ZNF490: variants seen among roughly 807,000 people sequenced by gnomAD.
ZNF490 encodes zinc finger protein 490.
A neutral mutation model predicts 17.7 loss-of-function variants in ZNF490; 11 were observed. That is an observed-to-expected ratio of 0.62 (90% CI 0.39 to 1.03). ZNF490 has a LOEUF of 1.03. Ranked by LOEUF, ZNF490 falls within the 50% of genes least tolerant of loss-of-function variation. The pLI is 0.00. For missense variants in ZNF490, 542 were observed against 643.4 expected (o/e 0.84, Z 1.71); for synonymous variants, 222 against 216.1 (o/e 1.03, Z -0.24).
At position 12,577,469 on chromosome 19, in the gene ZNF490, G is replaced by A; in HGVS notation, c.*3016C>T. 1.0e-6 allele frequency: 1 copy of A among 985,300 alleles called. No individual in the cohort carries two copies. The highest frequency in any genetic ancestry group is 1.2e-6 in the Non-Finnish European group (1 of 829,924). 61.0% of individuals were successfully genotyped at this position (985,300 alleles called of 1,614,324 possible). A position where few individuals can be genotyped will look rare whatever the true frequency, so the allele number is the denominator to read the frequency against. Reference sequence around the variant, plus strand: ...TCAAGAATGTGAAAGGACCTGAAATGGGTTGAGTAATAATGTTCCAACCCC... The same window carrying A: ...TCAAGAATGTGAAAGGACCTGAAATAGGTTGAGTAATAATGTTCCAACCCC... On this transcript the variant is annotated 3_prime_UTR_variant, in exon 5 of 5. Transcript: ENST00000311437.
At chr19:12,583,879 C>T (rs1338013110) in intron 2 of ZNF490, among the ~76,000 whole-genome samples, 249 of 141,640 alleles carry the variant, frequency 1.8e-3, no homozygotes, top group African/African-American at 6.1e-3. Flanking sequence ...GGCACAATGT[C>T]GGCTCACTGA....
In ZNF490 at chr19:12,581,657, T is replaced by A. The variant is rs2022736916; in HGVS notation, c.418A>T (p.Ile140Phe). 2 of 1,614,176 alleles carry A rather than the reference T, an allele frequency of 1.2e-6. No individual in the cohort carries two copies. Among genetic ancestry groups the A allele is most frequent in the Non-Finnish European group, 1.7e-6 (2 of 1,180,014 alleles). Reference sequence around the variant, plus strand: ...TCCAGGTTCGTATTAAGATCAGGAATCTGGCTAGTGCTTTTTCCACATGGA... The same window carrying A: ...TCCAGGTTCGTATTAAGATCAGGAAACTGGCTAGTGCTTTTTCCACATGGA... ...DCPCGKSTSQIPDLNTNLETP... is the reference protein window; with the variant it reads ...DCPCGKSTSQFPDLNTNLETP... The change falls in exon 5 of 5, where the codon ATT becomes TTT. Residue 140 changes from isoleucine (I) to phenylalanine (F), a missense_variant. Ile to Phe is a conservative substitution (Grantham distance 21, BLOSUM62 0). Coordinates refer to ENST00000311437, the MANE Select transcript of ZNF490 (RefSeq NM_020714.3).
rs1394932800 is a variant in ZNF490, at chr19:12,579,700, A to G, written c.*785T>C. ...GTGGTGGGCACTTGTAATCCCAGCTACTTGGAAGGCTGAGGCAGAAGAATT... is the reference window on the plus strand; with the variant it reads ...GTGGTGGGCACTTGTAATCCCAGCTGCTTGGAAGGCTGAGGCAGAAGAATT... On this transcript the variant is annotated 3_prime_UTR_variant, in exon 5 of 5. Coordinates refer to ENST00000311437, the MANE Select transcript of ZNF490 (RefSeq NM_020714.3). 2.0e-5 allele frequency: 3 copies of G among 152,284 alleles called. No homozygotes were observed. The highest frequency in any genetic ancestry group is 4.4e-5 in the Non-Finnish European group (3 of 68,122). 9.4% of individuals were successfully genotyped at this position (152,284 alleles called of 1,614,324 possible).
chr19:12,580,830 C>T lies in ZNF490; in HGVS notation c.1245G>A (p.Glu415=), dbSNP rs370729346. 10 of 1,614,120 alleles carry T rather than the reference C, an allele frequency of 6.2e-6. No individual in the cohort carries two copies. Among genetic ancestry groups the T allele is most frequent in the African/African-American group, 1.3e-5 (1 of 75,034 alleles). Residue 415 remains glutamate (E), a synonymous_variant, in exon 5 of 5, where the codon GAG becomes GAA. Transcript: ENST00000311437. ...CACATTCTTTACATTCGTAAGTTTT[C>T]TCGCCAGTGTGAACTCTTTCGTGCA... ...LQLHERVHTG[E]KTYECKECGK...
At chr19:12,594,160 G>A (rs2022904946) in intron 2 of ZNF490, among the ~76,000 whole-genome samples, 2 of 152,144 alleles carry the variant, frequency 1.3e-5, no homozygotes, top group Admixed American at 1.3e-4. Context: ...AGGCATGAGA[G>A]GAGGTTTCTA....
At position 12,580,144 on chromosome 19, in the gene ZNF490, A is replaced by G; in HGVS notation, c.*341T>C. On this transcript the variant is annotated 3_prime_UTR_variant, in exon 5 of 5. Coordinates refer to ENST00000311437, the MANE Select transcript of ZNF490 (RefSeq NM_020714.3). ...AAACAAAAAACAAACCCCACAAAAG[A>G]TGGGATGGATATAGAATTTTCTTTA... The G allele has an allele frequency of 9.7e-7, 1 of 1,033,450 alleles. No homozygotes were observed. The highest frequency in any genetic ancestry group is 1.2e-6 in the Non-Finnish European group (1 of 861,512). 64.0% of individuals were successfully genotyped at this position (1,033,450 alleles called of 1,614,324 possible).
rs768258881 is a variant in ZNF490, at chr19:12,610,651, C to T, written c.30G>A (p.Gln10=). 3.1e-6 allele frequency: 5 copies of T among 1,614,016 alleles called. No individual in the cohort carries two copies. In the East Asian group the frequency reaches 6.7e-5, roughly 22 times the overall value. MRRNSSLSF[Q]MERPLEEQVQ... ...CTTGCTCCTCGAGGGGTCGCTCCATCTGGAAACTGAGACTGGAATTCCTGC... is the reference window on the plus strand; with the variant it reads ...CTTGCTCCTCGAGGGGTCGCTCCATTTGGAAACTGAGACTGGAATTCCTGC... Residue 10 remains glutamine (Q), a synonymous_variant, in exon 1 of 5, where the codon CAG becomes CAA. Coordinates refer to ENST00000311437, the MANE Select transcript of ZNF490 (RefSeq NM_020714.3).
chr19:12,595,967 GA>G (rs1324955597), intron 2 of ZNF490, among the ~76,000 whole-genome samples: 1 of 149,934 alleles, frequency 6.7e-6, no homozygotes, highest in Non-Finnish European at 1.5e-5. Flanking sequence ...AAAAGAAAAA[GA>G]AAAAAAGGTG....
chr19:12,590,520 C>A (rs1252894407), intron 2 of ZNF490, among the ~76,000 whole-genome samples: 1 of 152,036 alleles, frequency 6.6e-6, no homozygotes, highest in Non-Finnish European at 1.5e-5. Flanking sequence ...CCGTGCCTGG[C>A]CCCTCTCACC....
intron 2 of ZNF490, among the ~76,000 whole-genome samples, chr19:12,608,238 C>T (rs1381099398): frequency 6.6e-6 from 1 of 152,064 alleles, no homozygotes; most frequent in South Asian, 2.1e-4. Context: ...CTGCAGTGAT[C>T]GTTTTGTCCA....
At chr19:12,609,328 G>T in intron 1 of ZNF490, 126 bp from the exon 2 acceptor site, 1 of 744,644 alleles carries the variant, frequency 1.3e-6, no homozygotes, top group Non-Finnish European at 2.3e-6. Context: ...CCAGAAGGGT[G>T]GATCATGGGA....
At chr19:12,610,522 T>G in intron 1 of ZNF490, 42 bp downstream of exon 1, 1 of 1,472,910 alleles carries the variant, frequency 6.8e-7, no homozygotes, top group South Asian at 1.1e-5. Flanking sequence ...AGGGTCACTA[T>G]TCCACGAGAG....
intron 2 of ZNF490, among the ~76,000 whole-genome samples, chr19:12,605,046 G>A (rs1000217519): frequency 6.6e-6 from 1 of 151,934 alleles, no homozygotes; most frequent in Admixed American, 6.6e-5. Context: ...CCAGCTACTC[G>A]GGAGGCTGAA....
rs1277599864 is a variant in ZNF490 at position 12,581,068 on chromosome 19, C to T, written c.1007G>A (p.Cys336Tyr). 3 of 1,614,074 alleles carry T rather than the reference C, an allele frequency of 1.9e-6. No individual in the cohort carries two copies. In the East Asian group the frequency reaches 6.7e-5, roughly 36 times the overall value. ...KTHTGEKPFVCRECGRAFFSH... is the reference protein window; with the variant it reads ...KTHTGEKPFVYRECGRAFFSH... ...AAAGAAGGCTCTCCCACATTCCCTA[C>T]ATACAAAAGGTTTCTCTCCAGTATG... is the stretch of plus-strand genomic sequence containing the variant. Residue 336 changes from cysteine (C) to tyrosine (Y), a missense_variant, in exon 5 of 5, where the codon TGT (cysteine) becomes TAT (tyrosine). Transcript: ENST00000311437.
chr19:12,598,452 G>A (rs935407344), intron 2 of ZNF490, among the ~76,000 whole-genome samples: 7 of 149,070 alleles, frequency 4.7e-5, no homozygotes, highest in Admixed American at 4.7e-4. Flanking sequence ...TCCGCTCACC[G>A]CAACCTCCGC....
In ZNF490 at chr19:12,610,773, G is replaced by T. The variant is rs966383161; in HGVS notation, c.-93C>A. The T allele has an allele frequency of 8.4e-6, 11 of 1,304,536 alleles. No individual in the cohort carries two copies. The Admixed American group carries it at 1.2e-4, about 14-fold the overall frequency. The allele number at this position is 1,304,536 out of a possible 1,614,324, so 80.8% of individuals were successfully genotyped here. A position where few individuals can be genotyped will look rare whatever the true frequency, so the allele number is the denominator to read the frequency against. On this transcript the variant is annotated 5_prime_UTR_variant, in exon 1 of 5. Coordinates refer to ENST00000311437, the MANE Select transcript of ZNF490 (RefSeq NM_020714.3). Reference sequence around the variant, plus strand: ...CTGCTTCAACACAATTGTCCACGGAGGGCACCAGTTCCGTCCCACCGGCGG... The same window carrying T: ...CTGCTTCAACACAATTGTCCACGGATGGCACCAGTTCCGTCCCACCGGCGG...
At chr19:12,594,207 T>G (rs2022905594) in intron 2 of ZNF490, among the ~76,000 whole-genome samples, 1 of 152,168 alleles carries the variant, frequency 6.6e-6, no homozygotes, top group Non-Finnish European at 1.5e-5. Context: ...GGCTCATGCC[T>G]GTAATCCCAG....
chr19:12,604,497 GAC>G (rs1411773204), intron 2 of ZNF490, among the ~76,000 whole-genome samples: 1 of 151,384 alleles, frequency 6.6e-6, no homozygotes, highest in Non-Finnish European at 1.5e-5. Flanking sequence ...TAAAAACATA[GAC>G]ACACAGAAAA....
intron 2 of ZNF490, among the ~76,000 whole-genome samples, chr19:12,588,521 A>T (rs2022828927): frequency 6.6e-6 from 1 of 152,240 alleles, no homozygotes; most frequent in African/African-American, 2.4e-5. Context: ...ATTCACTGGT[A>T]CAGCTGTATA....
Sources: allele counts gnomAD v4.1 joint callset (sites outside exome capture counted in the v4.1 genomes callset), GRCh38; gene constraint gnomAD v4.1.1; transcripts MANE v1.5; gene names NCBI Gene and HGNC (gene_info 2026-07-23, HGNC 2026-07-21).